Variants in STPG2 observed in about 807,000 individuals in gnomAD.
The protein encoded by STPG2 is sperm-tail PG-rich repeat-containing protein 2.
A neutral mutation model predicts 54.2 loss-of-function variants in STPG2; 56 were observed. The observed-to-expected ratio is 1.03, with a 90% CI of 0.83 to 1.29. The LOEUF (loss-of-function observed/expected upper bound fraction) is 1.29. STPG2 is among the 50% of genes most tolerant of loss of function. The pLI is 0.00. For synonymous variants in STPG2, 200 were observed against 181.8 expected (o/e 1.10, Z -0.81); for missense variants, 596 against 544.9 (o/e 1.09, Z -0.93).
At chr4:97,965,429 G>C (rs1734061776) in intron 7 of STPG2, among the ~76,000 whole-genome samples, 1 of 152,220 alleles carries the variant, frequency 6.6e-6, no homozygotes, top group African/African-American at 2.4e-5. Flanking sequence ...TGAAACAAAA[G>C]GCAGCAGACA....
chr4:97,898,818 T>C (rs893509590), intron 8 of STPG2, among the ~76,000 whole-genome samples: 1 of 151,704 alleles, frequency 6.6e-6, no homozygotes, highest in African/African-American at 2.4e-5. Flanking sequence ...TGAGCAAAAT[T>C]CGTATCTTTT....
chr4:97,552,014 A>C (rs1390218312), intron 4 of STPG2, among the ~76,000 whole-genome samples: 1 of 152,198 alleles, frequency 6.6e-6, no homozygotes, highest in Non-Finnish European at 1.5e-5. Context: ...CACTTCAAAA[A>C]GGGTTGGAGA....
At chr4:98,115,944 T>C (rs1195026775) in intron 3 of STPG2, among the ~76,000 whole-genome samples, 3 of 150,572 alleles carry the variant, frequency 2.0e-5, no homozygotes, top group Non-Finnish European at 4.4e-5. Context: ...TTATGAACTA[T>C]GTCTTTAACT....
At chr4:98,034,735 C>T (rs182573833) in intron 5 of STPG2, among the ~76,000 whole-genome samples, 24 of 151,916 alleles carry the variant, frequency 1.6e-4, no homozygotes, top group Admixed American at 1.2e-3. Context: ...AGCATATTAC[C>T]GTACCAAAAC....
chr4:97,994,060 T>C (rs1034204648), intron 5 of STPG2, among the ~76,000 whole-genome samples: 4 of 152,128 alleles, frequency 2.6e-5, no homozygotes, highest in Non-Finnish European at 5.9e-5. Flanking sequence ...TTATCTTTTG[T>C]ATTGTTTTGT....
intron 8 of STPG2, among the ~76,000 whole-genome samples, chr4:97,917,754 A>G (rs1267432629): frequency 6.6e-6 from 1 of 152,196 alleles, no homozygotes; most frequent in Non-Finnish European, 1.5e-5. Flanking sequence ...GGTGCAGAAT[A>G]CAATGTCAAA....
At chr4:98,121,956 G>A (rs763271647) in intron 3 of STPG2, among the ~76,000 whole-genome samples, 9 of 152,030 alleles carry the variant, frequency 5.9e-5, no homozygotes, top group Non-Finnish European at 7.4e-5. Context: ...TCTTGACCTC[G>A]TGATCCACCC....
intron 10 of STPG2, among the ~76,000 whole-genome samples, chr4:97,612,299 T>C (rs558219094): frequency 6.7e-6 from 1 of 149,552 alleles, no homozygotes; most frequent in African/African-American, 2.5e-5. Flanking sequence ...GAAAACAGAA[T>C]TGTCAACATT....
chr4:97,564,219 G>C (rs573071586), intron 10 of STPG2, among the ~76,000 whole-genome samples: 2 of 152,124 alleles, frequency 1.3e-5, no homozygotes, highest in East Asian at 1.9e-4. Flanking sequence ...ATCTTTGTTG[G>C]TTTAAAGTCT....
intron 4 of STPG2, among the ~76,000 whole-genome samples, chr4:97,447,362 A>C (rs1009531897): frequency 6.6e-6 from 1 of 152,226 alleles, no homozygotes; most frequent in East Asian, 1.9e-4. Context: ...AATTTGCATA[A>C]GTAATAAGGA....
intron 4 of STPG2, among the ~76,000 whole-genome samples, chr4:97,456,327 GGAGA>G (rs372275507): frequency 1.1e-3 from 166 of 151,102 alleles, no homozygotes; most frequent in Non-Finnish European, 1.9e-3. Flanking sequence ...AGCAGGAAGG[GGAGA>G]GAGAGAGAGA....
chr4:97,622,065 T>C (rs879072264), intron 10 of STPG2, among the ~76,000 whole-genome samples: 1 of 152,074 alleles, frequency 6.6e-6, no homozygotes, highest in African/African-American at 2.4e-5. Flanking sequence ...ACAGTTACAA[T>C]AGAATTCAAT....
chr4:97,959,236 G>T (rs1733796731), intron 7 of STPG2, among the ~76,000 whole-genome samples: 1 of 152,012 alleles, frequency 6.6e-6, no homozygotes, highest in Non-Finnish European at 1.5e-5. Flanking sequence ...TAAGAGGAAA[G>T]TTCATAGCCC....
At chr4:97,708,873 C>T (rs865900592) in intron 10 of STPG2, among the ~76,000 whole-genome samples, 3 of 151,540 alleles carry the variant, frequency 2.0e-5, no homozygotes, top group South Asian at 4.1e-4. Flanking sequence ...GGGTAATCTG[C>T]TAACAAAAGG....
At chr4:97,991,430 AGTGTGTGTGT>A (rs150498433) in intron 5 of STPG2, among the ~76,000 whole-genome samples, 5 of 141,428 alleles carry the variant, frequency 3.5e-5, no homozygotes, top group African/African-American at 8.1e-5. Flanking sequence ...AATACTACTC[AGTGTGTGTGT>A]GTGTGTGTGT....
At chr4:97,837,710 T>A (rs1429254008) in intron 9 of STPG2, among the ~76,000 whole-genome samples, 2 of 151,684 alleles carry the variant, frequency 1.3e-5, no homozygotes, top group African/African-American at 4.8e-5. Context: ...AAATGAGTTT[T>A]ATCCCTCTTA....
chr4:97,771,694 G>A (rs1186403200), intron 9 of STPG2, among the ~76,000 whole-genome samples: 1 of 152,214 alleles, frequency 6.6e-6, no homozygotes, highest in Non-Finnish European at 1.5e-5. Flanking sequence ...GGAATGGGGA[G>A]CTGGGGCACA....
At chr4:98,060,597 C>T (rs1030180932) in intron 5 of STPG2, among the ~76,000 whole-genome samples, 2 of 152,084 alleles carry the variant, frequency 1.3e-5, no homozygotes, top group African/African-American at 2.4e-5. Flanking sequence ...AACAAGAGCC[C>T]GAATAGCCAA....
At chr4:97,451,872 T>C (rs1002703172) in intron 4 of STPG2, among the ~76,000 whole-genome samples, 4 of 152,214 alleles carry the variant, frequency 2.6e-5, no homozygotes, top group African/African-American at 9.7e-5. Context: ...CATGTGTTAA[T>C]GTTGAAGAAC....
Sources: gnomAD v4.1 joint callset for allele counts (sites outside exome capture counted in the v4.1 genomes callset) on GRCh38, gnomAD v4.1.1 for gene constraint, MANE v1.5 for transcripts, NCBI Gene and HGNC (gene_info 2026-07-23, HGNC 2026-07-21) for gene names.